MOB4: variants seen among roughly 807,000 people sequenced by gnomAD.
The protein encoded by MOB4 is MOB family member 4, phocein, also known as MOB-like protein phocein.
A neutral mutation model predicts 32.2 loss-of-function variants in MOB4; 4 were observed. The ratio of observed to expected loss-of-function variants is 0.12; its 90% CI spans 0.06 to 0.28. The LOEUF is 0.28. Ranked by LOEUF, MOB4 falls within the 10% of genes least tolerant of loss-of-function variation. MOB4 has a pLI of 1.00. For missense variants in MOB4, 158 were observed against 271.2 expected (o/e 0.58, Z 2.93); for synonymous variants, 88 against 88.1 (o/e 1.00, Z 0.01).
chr2:197,523,484 T>C (rs1055943592), intron 1 of MOB4, 140 bp from the exon 2 acceptor site: 1 of 829,148 alleles, frequency 1.2e-6, no homozygotes, highest in African/African-American at 1.8e-5. Flanking sequence ...TTGAATAAAA[T>C]TTATTTCCTT....
chr2:197,533,865 CA>C, intron 2 of MOB4: 1 of 645,014 alleles, frequency 1.6e-6, no homozygotes, highest in Non-Finnish European at 2.9e-6. Context: ...GAAACAAAAG[CA>C]AAATCGTCCC....
intron 1 of MOB4, 21 bp from the exon 2 acceptor site, chr2:197,523,603 A>T: frequency 6.2e-7 from 1 of 1,606,072 alleles, no homozygotes; most frequent in Non-Finnish European, 8.5e-7. Flanking sequence ...ATGTGCTTTA[A>T]CCGTGAATTT....
chr2:197,515,998 A>G (rs1402349659), upstream of MOB4: 33 of 1,369,544 alleles, frequency 2.4e-5, no homozygotes, highest in Non-Finnish European at 2.6e-5. Flanking sequence ...TCCTCCTCCC[A>G]GACGCAGAGC....
intron 5 of MOB4, among the ~76,000 whole-genome samples, chr2:197,545,164 A>T (rs1180867759): frequency 6.6e-6 from 1 of 152,214 alleles, no homozygotes; most frequent in Non-Finnish European, 1.5e-5. Flanking sequence ...CCATCAACTG[A>T]TGAATGGATA....
upstream of MOB4, chr2:197,516,027 CCGCGCAGGCTGCCGTCCCT>C (rs2086403044): frequency 2.0e-6 from 3 of 1,522,364 alleles, no homozygotes; most frequent in South Asian, 3.6e-5. Context: ...GCCCCGCCCC[CCGCGCAGGCTGCCGTCCCT>C]ACATCCGGGT....
chr2:197,516,122 G>C lies in MOB4; in HGVS notation c.36G>C (p.Arg12=). 5.0e-6 allele frequency: 8 copies of C among 1,604,562 alleles called. No individual in the cohort carries two copies. Among genetic ancestry groups the C allele is most frequent in the South Asian group, 1.1e-5 (1 of 89,162 alleles). ...CGGAGGGGACGGCAGTGCTGAGGCGGAACAGGCCGGGCACCAAGGCGCAGG... is the reference window on the plus strand; with the variant it reads ...CGGAGGGGACGGCAGTGCTGAGGCGCAACAGGCCGGGCACCAAGGCGCAGG... ...VMAEGTAVLR[R]NRPGTKAQDF... The change falls in exon 1 of 8, where the codon CGG becomes CGC. Residue 12 remains arginine, a synonymous_variant. Transcript: ENST00000323303.
chr2:197,516,120 C>A lies in MOB4; in HGVS notation c.34C>A (p.Arg12=), dbSNP rs143229793. The change falls in exon 1 of 8, where the codon CGG becomes AGG. Residue 12 remains arginine (R), a synonymous_variant. Transcript: ENST00000323303. ...VMAEGTAVLR[R]NRPGTKAQDF... is the part of the protein sequence containing the mutation. ...GGCGGAGGGGACGGCAGTGCTGAGGCGGAACAGGCCGGGCACCAAGGCGCA... is the reference window on the plus strand; with the variant it reads ...GGCGGAGGGGACGGCAGTGCTGAGGAGGAACAGGCCGGGCACCAAGGCGCA... 1.1e-4 allele frequency: 180 copies of A among 1,604,178 alleles called. No homozygotes were observed. The highest frequency in any genetic ancestry group is 2.4e-4 in the Admixed American group (14 of 58,528).
chr2:197,533,722 CAAAAAAA>C (rs796816631), intron 2 of MOB4: 10 of 142,432 alleles, frequency 7.0e-5, no homozygotes, highest in Admixed American at 2.1e-4. Flanking sequence ...CAAAACTCCT[CAAAAAAA>C]AAAAAAAAAA....
intron 1 of MOB4, among the ~76,000 whole-genome samples, chr2:197,521,560 G>A (rs912040357): frequency 1.3e-5 from 2 of 152,152 alleles, no homozygotes; most frequent in African/African-American, 2.4e-5. Context: ...AAGCCTGGGA[G>A]CACTATGGGA....
intron 3 of MOB4, among the ~76,000 whole-genome samples, chr2:197,538,960 C>CG (rs2086849696): frequency 6.6e-6 from 1 of 152,132 alleles, no homozygotes; most frequent in African/African-American, 2.4e-5. Flanking sequence ...TTGACCCTTG[C>CG]CTTTTTGTTT....
intron 2 of MOB4, among the ~76,000 whole-genome samples, chr2:197,531,998 C>T (rs564690459): frequency 1.3e-5 from 2 of 152,200 alleles, no homozygotes; most frequent in East Asian, 3.9e-4. Context: ...CAACCTCCAC[C>T]TCCCAGGTTC....
At chr2:197,518,061 A>C (rs1448567751) in intron 1 of MOB4, among the ~76,000 whole-genome samples, 62 of 151,564 alleles carry the variant, frequency 4.1e-4, no homozygotes, top group Non-Finnish European at 2.9e-5. Flanking sequence ...GAATCGCTTG[A>C]ACCCGGGAGG....
chr2:197,542,009 GTTGGCTA>G (rs1444605003), intron 5 of MOB4, among the ~76,000 whole-genome samples: 1 of 152,260 alleles, frequency 6.6e-6, no homozygotes, highest in African/African-American at 2.4e-5. Context: ...ATTCACTGAA[GTTGGCTA>G]CTTAACGTAG....
intron 3 of MOB4, among the ~76,000 whole-genome samples, chr2:197,538,695 A>G (rs754578486): frequency 2.0e-5 from 3 of 152,152 alleles, no homozygotes; most frequent in Non-Finnish European, 2.9e-5. Flanking sequence ...ATTATTTGCC[A>G]CAGATTATAC....
At chr2:197,523,946 G>T (rs1574627736) in intron 2 of MOB4, among the ~76,000 whole-genome samples, 1 of 152,294 alleles carries the variant, frequency 6.6e-6, no homozygotes, top group African/African-American at 2.4e-5. Context: ...TAAAAGTTTA[G>T]TCAACCCTCA....
intron 3 of MOB4, 51 bp from the exon 4 acceptor site, chr2:197,540,060 A>G: frequency 6.5e-7 from 1 of 1,543,852 alleles, no homozygotes; most frequent in Non-Finnish European, 8.7e-7. Context: ...TATTCTAAAA[A>G]TTGCTGTGAA....
chr2:197,530,228 A>G (rs2086676715), intron 2 of MOB4, among the ~76,000 whole-genome samples: 1 of 151,522 alleles, frequency 6.6e-6, no homozygotes, highest in South Asian at 2.1e-4. Flanking sequence ...TCGGCCTCCC[A>G]AAGTGCTAGG....
At chr2:197,538,822 C>T (rs2086847576) in intron 3 of MOB4, among the ~76,000 whole-genome samples, 1 of 152,134 alleles carries the variant, frequency 6.6e-6, no homozygotes. Flanking sequence ...AAACACATAA[C>T]ATGCAGTCTA....
intron 1 of MOB4, among the ~76,000 whole-genome samples, chr2:197,522,992 C>A (rs965880901): frequency 6.6e-6 from 1 of 151,436 alleles, no homozygotes; most frequent in Non-Finnish European, 1.5e-5. Flanking sequence ...TCCAGCCTGG[C>A]GACAGAGTGG....
Sources: allele counts gnomAD v4.1 joint callset (sites outside exome capture counted in the v4.1 genomes callset), GRCh38; gene constraint gnomAD v4.1.1; transcripts MANE v1.5; gene names NCBI Gene and HGNC (gene_info 2026-07-23, HGNC 2026-07-21).